Variants in DLGAP2 observed in about 807,000 individuals in gnomAD.
DLGAP2 encodes DLG associated protein 2.
Under a neutral mutation model 100.3 loss-of-function variants are expected in DLGAP2, and 26 were observed. The ratio of observed to expected loss-of-function variants is 0.26; its 90% CI spans 0.19 to 0.36. The LOEUF (loss-of-function observed/expected upper bound fraction) is 0.36. Ranked by LOEUF, DLGAP2 falls within the 10% of genes least tolerant of loss-of-function variation. DLGAP2 has a pLI of 1.00. For synonymous variants in DLGAP2, 886 were observed against 630.1 expected, an observed-to-expected ratio of 1.41 and a Z score of -6.08; for missense variants, 1,858 against 1,453.2, an observed-to-expected ratio of 1.28 and a Z score of -4.53.
At chr8:1,514,697 C>T (rs371628029) in intron 4 of DLGAP2, among the ~76,000 whole-genome samples, 99 of 152,310 alleles carry the variant, frequency 6.5e-4, no homozygotes, top group African/African-American at 2.3e-3. Flanking sequence ...GGGGACAGCA[C>T]GTGACAGAAC....
At chr8:1,243,845 G>C (rs534571417) in intron 2 of DLGAP2, among the ~76,000 whole-genome samples, 4 of 152,244 alleles carry the variant, frequency 2.6e-5, no homozygotes, top group African/African-American at 7.2e-5. Flanking sequence ...CTTTTCTTCA[G>C]GCCCCTGAGT....
At position 1,345,509 on chromosome 8, in the gene DLGAP2, T is replaced by C. The variant is rs796398426; in HGVS notation, c.106+86626T>C. Among the ~76,000 whole-genome samples, 13 of 152,380 alleles carry C rather than the reference T, an allele frequency of 8.5e-5. 1 individual carries two copies. Among genetic ancestry groups the C allele is most frequent in the African/African-American group, 3.1e-4 (13 of 41,598 alleles). ...AAATAGTTTTTGATATTACTTGGCA[T>C]AAGTTTTTCTGTTGTACACATTTTA... On this transcript the variant is annotated intron_variant, in intron 3 of 14. Coordinates refer to ENST00000637795, the MANE Select transcript of DLGAP2 (RefSeq NM_001346810.2).
At chr8:1,680,445 T>G (rs1301622652) in intron 12 of DLGAP2, 1 of 152,230 alleles carries the variant, frequency 6.6e-6, no homozygotes, top group African/African-American at 2.4e-5. Flanking sequence ...TGTTAAAACT[T>G]AAGGTCTGAA....
chr8:1,363,584 C>T (rs1239684063), intron 3 of DLGAP2, among the ~76,000 whole-genome samples: 1 of 152,218 alleles, frequency 6.6e-6, no homozygotes. Flanking sequence ...TCCTGGCTGT[C>T]TTCTCACAGC....
At chr8:898,630 C>A (rs1384643327) in intron 1 of DLGAP2, among the ~76,000 whole-genome samples, 1 of 150,978 alleles carries the variant, frequency 6.6e-6, no homozygotes, top group Non-Finnish European at 1.5e-5. Flanking sequence ...GTGCTTCCAG[C>A]CCCTGCAGCT....
At chr8:1,194,376 G>A (rs1274321386) in intron 2 of DLGAP2, among the ~76,000 whole-genome samples, 5 of 152,054 alleles carry the variant, frequency 3.3e-5, no homozygotes, top group Non-Finnish European at 5.9e-5. Context: ...GTTGGCGGCC[G>A]GCCCACATAA....
intron 2 of DLGAP2, among the ~76,000 whole-genome samples, chr8:1,189,227 C>T (rs112132523): frequency 6.8e-6 from 1 of 146,652 alleles, no homozygotes; most frequent in Non-Finnish European, 1.5e-5. Context: ...CAGGCCGGTT[C>T]CGCGGTTGGG....
intron 1 of DLGAP2, among the ~76,000 whole-genome samples, chr8:886,848 A>T (rs997093108): frequency 6.6e-6 from 1 of 152,184 alleles, no homozygotes; most frequent in Non-Finnish European, 1.5e-5. Flanking sequence ...TATTCTGTTG[A>T]TTGGGGGTAG....
At chr8:804,361 C>T (rs552798508) in intron 1 of DLGAP2, among the ~76,000 whole-genome samples, 1 of 152,296 alleles carries the variant, frequency 6.6e-6, no homozygotes, top group African/African-American at 2.4e-5. Context: ...GCGATGGTCT[C>T]TGTGTTTGGG....
chr8:827,328 G>A (rs1796700566), intron 1 of DLGAP2, among the ~76,000 whole-genome samples: 1 of 152,104 alleles, frequency 6.6e-6, no homozygotes, highest in Non-Finnish European at 1.5e-5. Context: ...ATTTTTCATG[G>A]GTGTTCTTAG....
chr8:1,317,926 GTCA>G (rs1800801732), intron 3 of DLGAP2, among the ~76,000 whole-genome samples: 3 of 90,620 alleles, frequency 3.3e-5, no homozygotes, highest in African/African-American at 5.2e-5. Flanking sequence ...CGAGACACTC[GTCA>G]GCGTTTAAAA....
chr8:1,241,204 ATGTCTAATTCTCTCACATGGCG>A (rs1798787610), intron 2 of DLGAP2, among the ~76,000 whole-genome samples: 1 of 53,746 alleles, frequency 1.9e-5, no homozygotes, highest in Admixed American at 2.4e-4. Context: ...ACATGGAGCC[ATGTCTAATTCTCTCACATGGCG>A]CCGTGTCTAG....
intron 5 of DLGAP2, among the ~76,000 whole-genome samples, chr8:1,558,027 C>T (rs1366159620): frequency 1.3e-5 from 2 of 152,204 alleles, no homozygotes; most frequent in Non-Finnish European, 1.5e-5. Context: ...GAGGGCATGC[C>T]CTGGAGAGAC....
chr8:1,440,988 GT>G (rs1554471073), intron 3 of DLGAP2, among the ~76,000 whole-genome samples: 2 of 152,166 alleles, frequency 1.3e-5, no homozygotes, highest in Non-Finnish European at 2.9e-5. Context: ...CCCAGCACGG[GT>G]TTTCCAGCCA....
At chr8:1,529,098 G>A (rs574274748) in intron 4 of DLGAP2, among the ~76,000 whole-genome samples, 1 of 152,326 alleles carries the variant, frequency 6.6e-6, no homozygotes, top group African/African-American at 2.4e-5. Flanking sequence ...ATAAAGGAAA[G>A]AGGTTTAATT....
Position 919,921 on chromosome 8 carries a change from C to G in DLGAP2, c.73+11955C>G, listed in dbSNP as rs551649814. On this transcript the variant is annotated intron_variant, in intron 2 of 14. Coordinates refer to ENST00000637795, the MANE Select transcript of DLGAP2 (RefSeq NM_001346810.2). ...AACCTGGGTAGCAGTTTTAATAACT[C>G]CCTTCCACCCCATGTCTATAACTAG... Among the ~76,000 whole-genome samples the G allele has an allele frequency of 1.1e-4, 17 of 152,316 alleles. No individual in the cohort carries two copies. The South Asian group carries it at 2.7e-3, about 24-fold the overall frequency.
chr8:1,623,423 G>C (rs1292327237), intron 6 of DLGAP2, among the ~76,000 whole-genome samples: 1 of 150,064 alleles, frequency 6.7e-6, no homozygotes. Flanking sequence ...ACCAGTGCTT[G>C]ATGACCTGAC....
At chr8:1,382,820 A>G (rs979756135) in intron 3 of DLGAP2, among the ~76,000 whole-genome samples, 2 of 152,250 alleles carry the variant, frequency 1.3e-5, no homozygotes, top group African/African-American at 4.8e-5. Context: ...TGAATGCTTC[A>G]TCAAAGAGGA....
intron 1 of DLGAP2, among the ~76,000 whole-genome samples, chr8:842,972 G>C (rs947937501): frequency 6.6e-6 from 1 of 152,100 alleles, no homozygotes; most frequent in Admixed American, 6.5e-5. Flanking sequence ...TGGTAGTTTT[G>C]ACTCACTTTG....
Sources: gnomAD v4.1 joint callset for allele counts (sites outside exome capture counted in the v4.1 genomes callset) on GRCh38, gnomAD v4.1.1 for gene constraint, MANE v1.5 for transcripts, NCBI Gene and HGNC (gene_info 2026-07-23, HGNC 2026-07-21) for gene names.